GSE1: variants seen among roughly 807,000 people sequenced by gnomAD.
GSE1 encodes the protein Gse1 coiled-coil protein.
Under a neutral mutation model 112.6 loss-of-function variants are expected in GSE1, and 32 were observed. The ratio of observed to expected loss-of-function variants is 0.28; its 90% CI spans 0.21 to 0.38. GSE1 has a LOEUF of 0.38. GSE1 is among the 10% of genes least tolerant of loss of function. GSE1 has a pLI of 1.00. For synonymous variants in GSE1, 1,115 were observed against 735.6 expected, an observed-to-expected ratio of 1.52 and a Z score of -8.35; for missense variants, 2,348 against 1,699.2, an observed-to-expected ratio of 1.38 and a Z score of -6.71.
intron 1 of GSE1, among the ~76,000 whole-genome samples, chr16:85,194,640 T>C (rs946212105): frequency 1.3e-5 from 2 of 152,140 alleles, no homozygotes; most frequent in African/African-American, 4.8e-5. Context: ...TCAAATGCAT[T>C]TGGGAAACAG....
intron 1 of GSE1, among the ~76,000 whole-genome samples, chr16:85,212,636 G>A (rs1410430169): frequency 2.0e-5 from 3 of 152,148 alleles, no homozygotes; most frequent in Admixed American, 6.5e-5. Flanking sequence ...CCAGAACTGT[G>A]AGAAAATACT....
intron 2 of GSE1, among the ~76,000 whole-genome samples, chr16:85,422,776 C>T (rs868616207): frequency 9.6e-4 from 146 of 152,072 alleles, no homozygotes; most frequent in African/African-American, 3.4e-3. Flanking sequence ...GGTTTGGGGG[C>T]GCTGCTGCCC....
At chr16:85,331,921 T>G (rs1251560331) in intron 1 of GSE1, among the ~76,000 whole-genome samples, 1 of 151,964 alleles carries the variant, frequency 6.6e-6, no homozygotes, top group Non-Finnish European at 1.5e-5. Flanking sequence ...GCCTAAGACC[T>G]TTAATGAGCG....
At chr16:85,607,080 G>A (rs1046412574), upstream of GSE1, among the ~76,000 whole-genome samples, 4 of 148,848 alleles carry the variant, frequency 2.7e-5, no homozygotes, top group East Asian at 2.0e-4. Context: ...GGGGCGGGAG[G>A]GAGGAGGGGG....
chr16:85,587,440 G>A (rs538985893), intron 1 of GSE1, among the ~76,000 whole-genome samples: 1 of 152,308 alleles, frequency 6.6e-6, no homozygotes, highest in African/African-American at 2.4e-5. Context: ...ACTGATCACG[G>A]CAGTGTGCAT....
At chr16:85,416,275 C>T (rs954552880) in intron 2 of GSE1, among the ~76,000 whole-genome samples, 3 of 152,216 alleles carry the variant, frequency 2.0e-5, no homozygotes, top group African/African-American at 4.8e-5. Context: ...GAACCCGGCT[C>T]GCCAGCCTGC....
intron 2 of GSE1, among the ~76,000 whole-genome samples, chr16:85,510,910 T>C (rs2051722053): frequency 6.6e-6 from 1 of 152,178 alleles, no homozygotes; most frequent in Non-Finnish European, 1.5e-5. Flanking sequence ...TCCTCCTTTA[T>C]CCAAAAGCAG....
At chr16:85,270,292 G>T (rs1908704463) in intron 1 of GSE1, among the ~76,000 whole-genome samples, 1 of 148,962 alleles carries the variant, frequency 6.7e-6, no homozygotes, top group Non-Finnish European at 1.5e-5. Flanking sequence ...TCTCTGTTGA[G>T]GCCCAGGTGA....
chr16:85,415,395 T>C (rs997209017), intron 2 of GSE1, among the ~76,000 whole-genome samples: 6 of 152,216 alleles, frequency 3.9e-5, no homozygotes, highest in African/African-American at 9.7e-5. Context: ...TGAATGACTA[T>C]ATAATGACTG....
At chr16:85,652,948 T>TGGAA (rs1016303137) in intron 3 of GSE1, among the ~76,000 whole-genome samples, 3 of 151,714 alleles carry the variant, frequency 2.0e-5, no homozygotes, top group African/African-American at 7.3e-5. Context: ...CATGGCCAGA[T>TGGAA]GGAACGTGAG....
chr16:85,375,924 A>G (rs1365959939), intron 2 of GSE1, among the ~76,000 whole-genome samples: 1 of 152,206 alleles, frequency 6.6e-6, no homozygotes, highest in Non-Finnish European at 1.5e-5. Context: ...TAGGTGAAGA[A>G]ACAGGCTCAG....
chr16:85,315,297 C>T (rs1410347501), intron 1 of GSE1, among the ~76,000 whole-genome samples: 1 of 152,180 alleles, frequency 6.6e-6, no homozygotes, highest in East Asian at 1.9e-4. Context: ...TCCTGCAGTC[C>T]GGTCTCACTT....
At chr16:85,208,737 C>A (rs1036152119) in intron 1 of GSE1, among the ~76,000 whole-genome samples, 15 of 150,834 alleles carry the variant, frequency 9.9e-5, no homozygotes, top group Admixed American at 1.3e-4. Flanking sequence ...CAGTTGACTG[C>A]TGCCCGCTCT....
At chr16:85,525,072 G>A (rs538102270) in intron 2 of GSE1, among the ~76,000 whole-genome samples, 4 of 152,316 alleles carry the variant, frequency 2.6e-5, no homozygotes, top group South Asian at 2.1e-4. Flanking sequence ...TCGTGGTTGC[G>A]TCACCACGTC....
At chr16:85,374,367 T>C (rs1476822930) in intron 2 of GSE1, among the ~76,000 whole-genome samples, 1 of 150,140 alleles carries the variant, frequency 6.7e-6, no homozygotes, top group Non-Finnish European at 1.5e-5. Flanking sequence ...CGGTGTGCAG[T>C]GTGTGTCATT....
chr16:85,654,513 G>C (rs1466534271), intron 4 of GSE1, 63 bp downstream of exon 4: 2 of 1,404,228 alleles, frequency 1.4e-6, no homozygotes, highest in African/African-American at 1.4e-5. Context: ...TCAGGGTCTG[G>C]GTCCCCAGGC....
chr16:85,641,804 A>G (rs1053579773), intron 2 of GSE1, among the ~76,000 whole-genome samples: 2 of 152,146 alleles, frequency 1.3e-5, no homozygotes, highest in Non-Finnish European at 2.9e-5. Context: ...CTCCTGTCCC[A>G]CTTCCCTACT....
chr16:85,478,189 CA>C (rs1040948063), intron 2 of GSE1, among the ~76,000 whole-genome samples: 12 of 152,166 alleles, frequency 7.9e-5, no homozygotes, highest in Non-Finnish European at 1.3e-4. Context: ...GTCCGTGCAG[CA>C]GCGTGCGTCA....
At chr16:85,236,709 G>T (rs1035866777) in intron 1 of GSE1, among the ~76,000 whole-genome samples, 2 of 152,274 alleles carry the variant, frequency 1.3e-5, no homozygotes. Context: ...CAGGAGAGTG[G>T]CCTGTGGAGT....
Sources: allele counts gnomAD v4.1 joint callset (sites outside exome capture counted in the v4.1 genomes callset), GRCh38; gene constraint gnomAD v4.1.1; transcripts MANE v1.5; gene names NCBI Gene and HGNC (gene_info 2026-07-23, HGNC 2026-07-21).